PTPRG: variants seen among roughly 807,000 people sequenced by gnomAD.
PTPRG encodes the protein receptor-type tyrosine-protein phosphatase gamma.
In PTPRG, 102 loss-of-function variants were observed where a neutral mutation model predicts 165.3. The observed-to-expected ratio is 0.62, with a 90% CI of 0.53 to 0.73. The LOEUF (loss-of-function observed/expected upper bound fraction) is 0.73. Among genes scored for constraint, PTPRG ranks in the 30% least tolerant of loss-of-function variants. PTPRG has a pLI of 0.00. For synonymous variants in PTPRG, 675 were observed against 669.5 expected, an observed-to-expected ratio of 1.01 and a Z score of -0.13; for missense variants, 1,866 against 1,861.4, an observed-to-expected ratio of 1.00 and a Z score of -0.05.
At chr3:61,774,947 A>G (rs1243237747) in intron 2 of PTPRG, among the ~76,000 whole-genome samples, 1 of 152,184 alleles carries the variant, frequency 6.6e-6, no homozygotes, top group African/African-American at 2.4e-5. Context: ...ATCCACTTCA[A>G]GTTGCACCTC....
At chr3:61,563,164 G>T (rs1199226794) in intron 1 of PTPRG, among the ~76,000 whole-genome samples, 1 of 66,168 alleles carries the variant, frequency 1.5e-5, no homozygotes, top group Non-Finnish European at 3.5e-5. Flanking sequence ...GGCCGGGGCG[G>T]TTTCGGCGGC....
chr3:61,663,508 T>C lies in PTPRG; in HGVS notation c.86-85370T>C, dbSNP rs1375957155. On this transcript the variant is annotated intron_variant, in intron 1 of 29. Coordinates refer to ENST00000474889, the MANE Select transcript of PTPRG (RefSeq NM_002841.4). ...TCAAAGCAGTAGTCCCCAGCCTTTTTGGCATCAGGGACCAGTTTTGTGGAA... is the reference window on the plus strand; with the variant it reads ...TCAAAGCAGTAGTCCCCAGCCTTTTCGGCATCAGGGACCAGTTTTGTGGAA... 2.0e-5 allele frequency among the ~76,000 whole-genome samples: 3 copies of C among 152,182 alleles called. No homozygotes were observed. In the East Asian group the frequency reaches 5.8e-4, roughly 29 times the overall value.
intron 1 of PTPRG, among the ~76,000 whole-genome samples, chr3:61,605,337 C>T (rs1335550576): frequency 6.6e-6 from 1 of 152,100 alleles, no homozygotes; most frequent in East Asian, 1.9e-4. Context: ...CTCACTGCAA[C>T]CTCTGCCTCC....
At chr3:61,973,316 G>T (rs971783631) in intron 2 of PTPRG, among the ~76,000 whole-genome samples, 27 of 152,168 alleles carry the variant, frequency 1.8e-4, no homozygotes, top group Admixed American at 1.2e-3. Context: ...CATTTTCTCT[G>T]GAATGGGAGT....
chr3:62,251,112 G>A (rs971949649), intron 15 of PTPRG, among the ~76,000 whole-genome samples: 1 of 152,206 alleles, frequency 6.6e-6, no homozygotes, highest in Non-Finnish European at 1.5e-5. Context: ...TAGTGGCTGA[G>A]TAAAGTGGCT....
At chr3:61,657,777 C>T (rs1005293773) in intron 1 of PTPRG, among the ~76,000 whole-genome samples, 4 of 152,174 alleles carry the variant, frequency 2.6e-5, no homozygotes, top group African/African-American at 4.8e-5. Flanking sequence ...TTAGAGTTCC[C>T]ACGCTTAAAA....
At chr3:61,728,430 A>C (rs1187559142) in intron 1 of PTPRG, among the ~76,000 whole-genome samples, 1 of 152,134 alleles carries the variant, frequency 6.6e-6, no homozygotes, top group Admixed American at 6.5e-5. Flanking sequence ...AAAAAATTAA[A>C]AAATTAGTTG....
chr3:62,174,861 A>G (rs1459999112), intron 8 of PTPRG, among the ~76,000 whole-genome samples: 1 of 152,240 alleles, frequency 6.6e-6, no homozygotes, highest in Non-Finnish European at 1.5e-5. Context: ...TGTTACTGCC[A>G]GAAACTTTTA....
Position 62,272,958 on chromosome 3 carries a change from C to A in PTPRG, c.3195C>A (p.Gly1065=), listed in dbSNP as rs1702113725. Residue 1065 remains glycine (G), a synonymous_variant, in exon 22 of 30, where the codon GGC becomes GGA. Transcript: ENST00000474889. ...PVLVHCSAGV[G]RTGTYIVIDS... is the part of the protein sequence containing the mutation. ...TCATTTCTTACAGTGCTGGTGTGGG[C>A]AGAACAGGCACCTATATTGTAATAG... The A allele has an allele frequency of 1.2e-6, 2 of 1,610,368 alleles. No homozygotes were observed. Among genetic ancestry groups the A allele is most frequent in the Admixed American group, 1.7e-5 (1 of 59,428 alleles).
intron 28 of PTPRG, among the ~76,000 whole-genome samples, chr3:62,283,634 G>A (rs955057906): frequency 3.3e-5 from 5 of 152,018 alleles, no homozygotes; most frequent in Non-Finnish European, 5.9e-5. Flanking sequence ...GGTAGCTCTT[G>A]GTCAGCAGCA....
intron 6 of PTPRG, among the ~76,000 whole-genome samples, chr3:62,133,520 C>T (rs1024410605): frequency 6.6e-6 from 1 of 152,200 alleles, no homozygotes; most frequent in African/African-American, 2.4e-5. Context: ...TCTTCCCCCT[C>T]TCTTTCCGTG....
intron 4 of PTPRG, among the ~76,000 whole-genome samples, chr3:62,053,771 T>C (rs1700541369): frequency 6.6e-6 from 1 of 152,182 alleles, no homozygotes; most frequent in African/African-American, 2.4e-5. Context: ...CATCTAAATG[T>C]AAACTAAAAT....
intron 5 of PTPRG, among the ~76,000 whole-genome samples, chr3:62,100,544 T>C (rs1253012390): frequency 6.6e-6 from 1 of 152,100 alleles, no homozygotes; most frequent in African/African-American, 2.4e-5. Flanking sequence ...AGAGTGGATC[T>C]GGACATATGC....
At chr3:61,937,818 A>G (rs1300444487) in intron 2 of PTPRG, among the ~76,000 whole-genome samples, 2 of 152,210 alleles carry the variant, frequency 1.3e-5, no homozygotes, top group East Asian at 3.9e-4. Flanking sequence ...TCTTTTGAGT[A>G]AAGTCTTAAA....
At chr3:62,256,228 G>A (rs948984563) in intron 16 of PTPRG, among the ~76,000 whole-genome samples, 1 of 152,166 alleles carries the variant, frequency 6.6e-6, no homozygotes, top group African/African-American at 2.4e-5. Context: ...TCATCTAGGA[G>A]TCATACAGCT....
intron 2 of PTPRG, among the ~76,000 whole-genome samples, chr3:61,880,086 C>G (rs1197961797): frequency 6.6e-6 from 1 of 152,110 alleles, no homozygotes; most frequent in Non-Finnish European, 1.5e-5. Context: ...GTTTTTGATT[C>G]CAGTAATACA....
In PTPRG at chr3:61,830,573, T is replaced by G. The variant is rs868081133; in HGVS notation, c.190+81591T>G. ...ATGGTTCTTTTTGTTTTTGTTTTTT[T>G]TTTTTTTTTTTTTTTTTGGAGATGG... On this transcript the variant is annotated intron_variant, in intron 2 of 29. Coordinates refer to ENST00000474889, the MANE Select transcript of PTPRG (RefSeq NM_002841.4). 2.6e-3 allele frequency among the ~76,000 whole-genome samples: 338 copies of G among 131,664 alleles called. 2 individuals are homozygous for G. Among genetic ancestry groups the G allele is most frequent in the South Asian group, 0.011 (40 of 3,794 alleles). 86.4% of individuals were successfully genotyped at this position (131,664 alleles called of 152,430 possible).
At chr3:62,177,625 CCCCGT>C (rs1705474130) in intron 8 of PTPRG, among the ~76,000 whole-genome samples, 1 of 152,174 alleles carries the variant, frequency 6.6e-6, no homozygotes, top group African/African-American at 2.4e-5. Flanking sequence ...CCCTCTCCAG[CCCCGT>C]CTTGTACTTT....
chr3:61,868,475 A>G (rs1032970421), intron 2 of PTPRG, among the ~76,000 whole-genome samples: 9 of 152,062 alleles, frequency 5.9e-5, no homozygotes, highest in African/African-American at 1.4e-4. Context: ...ACTGCGTCCA[A>G]CCTGCCTTGA....
Sources: allele counts gnomAD v4.1 joint callset (sites outside exome capture counted in the v4.1 genomes callset), GRCh38; gene constraint gnomAD v4.1.1; transcripts MANE v1.5; gene names NCBI Gene and HGNC (gene_info 2026-07-23, HGNC 2026-07-21).